The following KCNQ3 variants were observed in gnomAD, a reference collection of about 807,000 sequenced individuals.
KCNQ3 encodes the protein potassium voltage-gated channel subfamily KQT member 3.
In KCNQ3, 30 loss-of-function variants were observed where a neutral mutation model predicts 92.5. That is an observed-to-expected ratio of 0.32 (90% CI 0.24 to 0.44). KCNQ3 has a LOEUF of 0.44. Among genes scored for constraint, KCNQ3 ranks in the 20% least tolerant of loss-of-function variants. The pLI is 1.00. For missense variants in KCNQ3, 913 were observed against 1,140.3 expected, an observed-to-expected ratio of 0.80 and a Z score of 2.87; for synonymous variants, 450 against 468.8, an observed-to-expected ratio of 0.96 and a Z score of 0.52.
chr8:132,295,351 CA>C (rs1294750962), intron 1 of KCNQ3, among the ~76,000 whole-genome samples: 1 of 152,126 alleles, frequency 6.6e-6, no homozygotes, highest in Non-Finnish European at 1.5e-5. Context: ...TCACACCAGT[CA>C]GAATGGTGAT....
At chr8:132,240,050 C>T (rs778355616) in intron 1 of KCNQ3, among the ~76,000 whole-genome samples, 11 of 152,162 alleles carry the variant, frequency 7.2e-5, no homozygotes, top group East Asian at 1.9e-4. Context: ...TTGCAGCTTG[C>T]GTCTAATGCA....
At chr8:132,357,441 A>C (rs1819047983) in intron 1 of KCNQ3, among the ~76,000 whole-genome samples, 1 of 152,222 alleles carries the variant, frequency 6.6e-6, no homozygotes, top group Non-Finnish European at 1.5e-5. Context: ...AGACTGGCAC[A>C]TTTATCCATG....
chr8:132,354,091 A>T (rs908125656), intron 1 of KCNQ3, among the ~76,000 whole-genome samples: 2 of 152,176 alleles, frequency 1.3e-5, no homozygotes, highest in African/African-American at 4.8e-5. Flanking sequence ...ACCTTCTGTG[A>T]AATGTAGGAG....
intron 1 of KCNQ3, among the ~76,000 whole-genome samples, chr8:132,192,449 G>A (rs964378888): frequency 2.0e-5 from 3 of 152,212 alleles, no homozygotes; most frequent in Non-Finnish European, 2.9e-5. Flanking sequence ...ATGTGGCGCT[G>A]AACGTGGGGC....
intron 12 of KCNQ3, among the ~76,000 whole-genome samples, chr8:132,136,416 T>C (rs914758680): frequency 6.6e-6 from 1 of 152,162 alleles, no homozygotes; most frequent in Non-Finnish European, 1.5e-5. Flanking sequence ...AAATGCTTTT[T>C]CAAAGGGCAT....
chr8:132,203,475 T>G (rs1426922449), intron 1 of KCNQ3, among the ~76,000 whole-genome samples: 1 of 152,204 alleles, frequency 6.6e-6, no homozygotes, highest in African/African-American at 2.4e-5. Context: ...CATAAGAGGA[T>G]TCAATAAAAT....
At position 132,365,569 on chromosome 8, in the gene KCNQ3, G is replaced by A. The variant is rs900271885; in HGVS notation, c.386+114578C>T. Among the ~76,000 whole-genome samples the A allele has an allele frequency of 6.0e-4, 91 of 152,148 alleles. 1 individual carries two copies. The highest frequency in any genetic ancestry group is 1.9e-3 in the African/African-American group (80 of 41,418). On this transcript the variant is annotated intron_variant, in intron 1 of 14. Transcript: ENST00000388996. ...GCTGTGTGCAACCTTAGATAAATTA[G>A]TTCACCTCTATGTGCCTCCATTTCC...
At chr8:132,436,784 A>G (rs1166911456) in intron 1 of KCNQ3, among the ~76,000 whole-genome samples, 2 of 152,218 alleles carry the variant, frequency 1.3e-5, no homozygotes, top group East Asian at 3.8e-4. Context: ...AGGAAGCCAC[A>G]GAGAAAACCC....
At chr8:132,436,335 G>T (rs1055937961) in intron 1 of KCNQ3, among the ~76,000 whole-genome samples, 1 of 152,064 alleles carries the variant, frequency 6.6e-6, no homozygotes, top group Non-Finnish European at 1.5e-5. Context: ...TTTTTAACTT[G>T]ATCATATAAA....
intron 1 of KCNQ3, among the ~76,000 whole-genome samples, chr8:132,465,093 G>T (rs1166510105): frequency 6.6e-6 from 1 of 152,194 alleles, no homozygotes; most frequent in Non-Finnish European, 1.5e-5. Flanking sequence ...AACTGTGAAG[G>T]GGAATGTTAA....
At chr8:132,288,587 T>C (rs1816746284) in intron 1 of KCNQ3, among the ~76,000 whole-genome samples, 2 of 152,194 alleles carry the variant, frequency 1.3e-5, no homozygotes, top group Admixed American at 6.5e-5. Flanking sequence ...CTGTCATATT[T>C]CTCTATAGCT....
At chr8:132,402,972 C>G (rs1235913193) in intron 1 of KCNQ3, among the ~76,000 whole-genome samples, 1 of 132,750 alleles carries the variant, frequency 7.5e-6, no homozygotes, top group Admixed American at 8.6e-5. Flanking sequence ...GAGCCAAGAT[C>G]GTGCCACTGT....
chr8:132,369,573 G>GCACACACACACACA (rs3049658), intron 1 of KCNQ3, among the ~76,000 whole-genome samples: 3 of 148,250 alleles, frequency 2.0e-5, no homozygotes, highest in Admixed American at 1.3e-4. Flanking sequence ...TGCTCAAACA[G>GCACACACACACACA]CACACACACA....
At chr8:132,187,347 C>T in intron 1 of KCNQ3, 1 of 438,416 alleles carries the variant, frequency 2.3e-6, no homozygotes, top group South Asian at 1.7e-5. Context: ...ATGGTGTGAC[C>T]ATAAGGACCA....
intron 9 of KCNQ3, among the ~76,000 whole-genome samples, chr8:132,157,661 T>A (rs1385834573): frequency 2.9e-5 from 4 of 139,252 alleles, no homozygotes; most frequent in Non-Finnish European, 1.6e-5. Flanking sequence ...ATTTTATTTT[T>A]TTATTTTTAT....
intron 1 of KCNQ3, among the ~76,000 whole-genome samples, chr8:132,424,685 C>G (rs1821062521): frequency 6.6e-6 from 1 of 152,242 alleles, no homozygotes; most frequent in South Asian, 2.1e-4. Context: ...GGTCTGCCAT[C>G]AAGAACTCAT....
chr8:132,248,024 A>G (rs1815244672), intron 1 of KCNQ3, among the ~76,000 whole-genome samples: 1 of 152,104 alleles, frequency 6.6e-6, no homozygotes, highest in Non-Finnish European at 1.5e-5. Context: ...ACACTTTACC[A>G]AAGTTTACGC....
intron 11 of KCNQ3, among the ~76,000 whole-genome samples, chr8:132,139,776 C>G (rs1166694558): frequency 6.6e-6 from 1 of 152,166 alleles, no homozygotes; most frequent in Non-Finnish European, 1.5e-5. Context: ...CTTTAAAATA[C>G]ATGGTAGTTA....
intron 9 of KCNQ3, among the ~76,000 whole-genome samples, chr8:132,150,787 T>G (rs980106087): frequency 6.6e-6 from 1 of 152,020 alleles, no homozygotes; most frequent in Non-Finnish European, 1.5e-5. Context: ...CAAAAGATCT[T>G]ATGGGGACTG....
Sources: gnomAD v4.1 joint callset for allele counts (sites outside exome capture counted in the v4.1 genomes callset) on GRCh38, gnomAD v4.1.1 for gene constraint, MANE v1.5 for transcripts, NCBI Gene and HGNC (gene_info 2026-07-23, HGNC 2026-07-21) for gene names.